Variants in SIK3 observed in about 807,000 individuals in gnomAD.
SIK3 encodes the protein serine/threonine-protein kinase SIK3.
A neutral mutation model predicts 144.2 loss-of-function variants in SIK3; 28 were observed. That is an observed-to-expected ratio of 0.19 (90% CI 0.14 to 0.27). The LOEUF (loss-of-function observed/expected upper bound fraction) is 0.27, where lower values mean the gene tolerates loss of function less well. SIK3 is among the 10% of genes least tolerant of loss of function. The pLI, the probability that SIK3 is intolerant of heterozygous loss-of-function variation, is 1.00. For missense variants in SIK3, 1,319 were observed against 1,776.0 expected (o/e 0.74, Z 4.62); for synonymous variants, 686 against 676.3 (o/e 1.01, Z -0.22).
intron 1 of SIK3, among the ~76,000 whole-genome samples, chr11:116,967,072 C>T (rs564237753): frequency 3.3e-5 from 5 of 149,644 alleles, no homozygotes; most frequent in South Asian, 4.3e-4. Flanking sequence ...GACAGAAAGA[C>T]GGGAAATAAC....
intron 1 of SIK3, among the ~76,000 whole-genome samples, chr11:116,995,243 G>A (rs1400424128): frequency 1.4e-5 from 2 of 145,430 alleles, no homozygotes; most frequent in African/African-American, 2.6e-5. Flanking sequence ...CTCCAGCCTA[G>A]GCGACAGAGC....
chr11:116,963,539 T>C (rs1591437179), intron 1 of SIK3, among the ~76,000 whole-genome samples: 1 of 152,228 alleles, frequency 6.6e-6, no homozygotes, highest in South Asian at 2.1e-4. Flanking sequence ...TGAGAGACTA[T>C]GAATGAAAAG....
chr11:116,965,932 C>T (rs1949531799), intron 1 of SIK3, among the ~76,000 whole-genome samples: 1 of 145,776 alleles, frequency 6.9e-6, no homozygotes, highest in African/African-American at 2.6e-5. Context: ...AAGACTCCGT[C>T]TCAAAAAAAA....
chr11:116,856,122 T>C (rs569199252), intron 21 of SIK3, among the ~76,000 whole-genome samples: 1 of 150,532 alleles, frequency 6.6e-6, no homozygotes, highest in Non-Finnish European at 1.5e-5. Context: ...GCGTGAGCAT[T>C]GTAGGCAGAG....
At chr11:116,944,088 TA>T (rs1294329107) in intron 3 of SIK3, among the ~76,000 whole-genome samples, 1 of 152,184 alleles carries the variant, frequency 6.6e-6, no homozygotes, top group Non-Finnish European at 1.5e-5. Flanking sequence ...GTATCACAAC[TA>T]AAATACTAAG....
intron 3 of SIK3, among the ~76,000 whole-genome samples, chr11:116,947,629 G>A (rs1395746001): frequency 2.0e-5 from 3 of 147,716 alleles, no homozygotes; most frequent in Admixed American, 6.9e-5. Flanking sequence ...GCAGTGGCAC[G>A]ATCTCGGCTC....
At chr11:116,872,749 C>T (rs115831625) in intron 13 of SIK3, among the ~76,000 whole-genome samples, 3,074 of 152,218 alleles carry the variant, frequency 0.02, 108 homozygotes, top group African/African-American at 0.069. Context: ...CTATATTTTA[C>T]AAGGGATTAA....
intron 1 of SIK3, among the ~76,000 whole-genome samples, chr11:117,045,026 C>T (rs2000614): frequency 0.83 from 126,166 of 152,190 alleles, 52,921 homozygotes; most frequent in Non-Finnish European, 0.89. Context: ...TAAGAACACA[C>T]ATAGGAGATA....
At chr11:116,999,156 A>G (rs1265032839) in intron 1 of SIK3, among the ~76,000 whole-genome samples, 1 of 152,226 alleles carries the variant, frequency 6.6e-6, no homozygotes, top group Non-Finnish European at 1.5e-5. Context: ...GAGTTTGACC[A>G]TATTGTTTAA....
chr11:116,930,448 G>A (rs1947536842), intron 3 of SIK3, among the ~76,000 whole-genome samples: 2 of 152,200 alleles, frequency 1.3e-5, no homozygotes, highest in Non-Finnish European at 2.9e-5. Context: ...GTTCAAATGT[G>A]ATATTTAACT....
In SIK3 at chr11:117,093,431, G is replaced by A. The variant is rs143614097; in HGVS notation, c.273+4712C>T. On this transcript the variant is annotated intron_variant, in intron 1 of 24. Transcript: ENST00000445177. The stretch of plus-strand genomic sequence containing the variant: ...AAAGTTAAGAATTCTGACCTTGGCC[G>A]TCTAAGGCCTTTGCTTGTGCACGCA... Among the ~76,000 whole-genome samples, 502 of 152,308 alleles carry A rather than the reference G, an allele frequency of 3.3e-3. 4 individuals are homozygous for A. The highest frequency in any genetic ancestry group is 0.012 in the African/African-American group (482 of 41,548).
At chr11:116,873,661 C>T (rs775911931) in intron 12 of SIK3, 25 bp from the exon 13 acceptor site, 64 of 1,527,240 alleles carry the variant, frequency 4.2e-5, no homozygotes, top group Admixed American at 1.8e-4. Flanking sequence ...GTGGGGAGGA[C>T]GGACCATGAG....
At position 116,870,552 on chromosome 11, in the gene SIK3, C is replaced by A. The variant is rs150871007; in HGVS notation, c.1738-151G>T. On this transcript the variant is annotated intron_variant, in intron 13 of 24. Coordinates refer to ENST00000445177, the MANE Select transcript of SIK3 (RefSeq NM_001366686.3). The stretch of plus-strand genomic sequence containing the variant: ...CTGGGTTATACAGGATTTTCATATA[C>A]CTATTTTTCCATTTTTACCTTGCTT... The A allele has an allele frequency of 2.3e-4, 219 of 957,054 alleles. 1 individual carries two copies. In the African/African-American group the frequency reaches 3.2e-3, roughly 14 times the overall value. 59.3% of individuals were successfully genotyped at this position (957,054 alleles called of 1,614,324 possible).
chr11:117,050,202 T>A (rs564974481), intron 1 of SIK3, among the ~76,000 whole-genome samples: 38 of 151,038 alleles, frequency 2.5e-4, no homozygotes, highest in Admixed American at 9.2e-4. Flanking sequence ...GGCAGGAGAA[T>A]CGCTTGAACC....
intron 1 of SIK3, among the ~76,000 whole-genome samples, chr11:117,084,475 A>G (rs1170649118): frequency 3.3e-5 from 5 of 152,194 alleles, no homozygotes; most frequent in African/African-American, 1.2e-4. Context: ...CAGGTTGGCC[A>G]GGCTGGTCTG....
intron 4 of SIK3, among the ~76,000 whole-genome samples, chr11:116,915,527 T>C (rs1946585881): frequency 6.6e-6 from 1 of 152,210 alleles, no homozygotes; most frequent in South Asian, 2.1e-4. Context: ...TGAATGTAGA[T>C]AGTCTTTATT....
rs192638373 is a variant in SIK3 at position 116,997,846 on chromosome 11, G to A, written c.274-40782C>T. ...CGGCACAAGAGTGCCTTTGTTGACA[G>A]TGAATGTTAATTCCATTTTATTTTA... On this transcript the variant is annotated intron_variant, in intron 1 of 24. Transcript: ENST00000445177. Among the ~76,000 whole-genome samples, 41 of 152,314 alleles carry A rather than the reference G, an allele frequency of 2.7e-4. No homozygotes were observed. In the East Asian group the frequency reaches 4.8e-3, roughly 18 times the overall value.
chr11:116,851,496 G>A (rs1456431188), intron 21 of SIK3, among the ~76,000 whole-genome samples: 2 of 152,200 alleles, frequency 1.3e-5, no homozygotes, highest in East Asian at 3.8e-4. Flanking sequence ...GCAGAGGCAG[G>A]ATGGAAAGGG....
At chr11:116,966,352 G>A (rs1053896855) in intron 1 of SIK3, among the ~76,000 whole-genome samples, 3 of 151,966 alleles carry the variant, frequency 2.0e-5, no homozygotes, top group African/African-American at 7.3e-5. Flanking sequence ...CTGTGATCAC[G>A]CCACTGCACT....
Sources: allele counts gnomAD v4.1 joint callset (sites outside exome capture counted in the v4.1 genomes callset), GRCh38; gene constraint gnomAD v4.1.1; transcripts MANE v1.5; gene names NCBI Gene and HGNC (gene_info 2026-07-23, HGNC 2026-07-21).